The following STS variants were observed in gnomAD, a reference collection of about 807,000 sequenced individuals.
STS encodes steroid sulfatase.
In STS, 7 loss-of-function variants were observed where a neutral mutation model predicts 26.8. The ratio of observed to expected loss-of-function variants is 0.26; its 90% CI spans 0.15 to 0.49. The LOEUF (loss-of-function observed/expected upper bound fraction) is 0.49, where lower values mean the gene tolerates loss of function less well. Among genes scored for constraint, STS ranks in the 20% least tolerant of loss-of-function variants. The probability of loss-of-function intolerance (pLI) is 0.98; values close to 1 mark genes in which losing one functional copy is unlikely to be tolerated. For synonymous variants in STS, 199 were observed against 189.4 expected, an observed-to-expected ratio of 1.05 and a Z score of -0.42; for missense variants, 434 against 465.6, an observed-to-expected ratio of 0.93 and a Z score of 0.63.
At chrX:7,266,863 G>A (rs1262517254) in intron 6 of STS, among the ~76,000 whole-genome samples, 7 of 111,871 alleles carry the variant, frequency 6.3e-5, no homozygotes, top group African/African-American at 1.3e-4. Context: ...AATGGACACC[G>A]TGGAATGGTT....
rs893512060 is a variant in STS at position 7,178,015 on chromosome X, C to A, written c.-133-12865C>A. ...CTATGTTGGCTAGGCTGGTCTTGAA[C>A]CCCTGGCAAGGAATCCTTCCACCTT... On this transcript the variant is annotated intron_variant, in intron 1 of 10. Coordinates refer to ENST00000674429, the MANE Select transcript of STS (RefSeq NM_001320752.2). Among the ~76,000 whole-genome samples, 80 of 110,009 alleles carry A rather than the reference C, an allele frequency of 7.3e-4. 1 individual carries two copies. Among genetic ancestry groups the A allele is most frequent in the South Asian group, 2.0e-3 (5 of 2,536 alleles).
intron 2 of STS, among the ~76,000 whole-genome samples, chrX:7,212,385 T>C (rs371766747): frequency 5.4e-5 from 6 of 111,339 alleles, no homozygotes; most frequent in African/African-American, 1.6e-4. Flanking sequence ...GGCACAAGAA[T>C]TGCTTGAATC....
intron 2 of STS, among the ~76,000 whole-genome samples, chrX:7,244,216 A>G (rs980446029): frequency 4.5e-5 from 5 of 112,069 alleles, no homozygotes; most frequent in Non-Finnish European, 7.5e-5. Flanking sequence ...GATTTGCCAC[A>G]TGGACAAATG....
chrX:7,336,989 A>T (rs1454718803), intron 10 of STS, among the ~76,000 whole-genome samples: 2 of 111,695 alleles, frequency 1.8e-5, no homozygotes. Context: ...TGCTTCTTAG[A>T]CTCTGAATGC....
At chrX:7,197,334 G>T (rs1280782847) in intron 2 of STS, among the ~76,000 whole-genome samples, 3 of 111,789 alleles carry the variant, frequency 2.7e-5, no homozygotes, top group Non-Finnish European at 5.6e-5. Flanking sequence ...ACTGTTACAG[G>T]AAAGGGGTCC....
At chrX:7,192,783 T>C (rs1373499153) in intron 2 of STS, among the ~76,000 whole-genome samples, 3 of 111,583 alleles carry the variant, frequency 2.7e-5, no homozygotes, top group Non-Finnish European at 5.6e-5. Flanking sequence ...GACTTTGCCC[T>C]TCAGAGAGAA....
intron 1 of STS, among the ~76,000 whole-genome samples, chrX:7,167,505 C>T (rs949898124): frequency 8.9e-6 from 1 of 111,846 alleles, no homozygotes; most frequent in Admixed American, 9.5e-5. Flanking sequence ...TGTGAGCCAC[C>T]GCGCCCAGCC....
intron 2 of STS, among the ~76,000 whole-genome samples, chrX:7,235,113 G>C (rs1225728854): frequency 8.9e-6 from 1 of 112,057 alleles, no homozygotes; most frequent in Non-Finnish European, 1.9e-5. Flanking sequence ...TAGGTAAGCT[G>C]TGATGAGTGG....
chrX:7,347,096 TAAAC>T (rs1297434793), intron 10 of STS, among the ~76,000 whole-genome samples: 1 of 111,317 alleles, frequency 9.0e-6, no homozygotes, highest in African/African-American at 3.3e-5. Flanking sequence ...AAATATAAAT[TAAAC>T]AAAAGAAGAT....
At chrX:7,275,442 C>A (rs1220364858) in intron 6 of STS, among the ~76,000 whole-genome samples, 12 of 110,802 alleles carry the variant, frequency 1.1e-4, no homozygotes. Context: ...CAAATGATAC[C>A]TATATATACA....
intron 6 of STS, among the ~76,000 whole-genome samples, chrX:7,275,066 T>C (rs1213226662): frequency 9.0e-6 from 1 of 111,041 alleles, no homozygotes; most frequent in African/African-American, 3.3e-5. Context: ...AGATCTCACT[T>C]CTATGTGGAA....
intron 6 of STS, among the ~76,000 whole-genome samples, chrX:7,273,173 A>T (rs1363371627): frequency 2.7e-5 from 3 of 111,485 alleles, no homozygotes; most frequent in Non-Finnish European, 5.7e-5. Context: ...TAACAAAAAA[A>T]TAAGCTCCAG....
intron 9 of STS, among the ~76,000 whole-genome samples, chrX:7,329,661 T>C (rs1016658817): frequency 2.7e-5 from 3 of 112,362 alleles, no homozygotes; most frequent in Non-Finnish European, 5.6e-5. Flanking sequence ...CCCAAGCTGT[T>C]TGATGAGCAC....
intron 2 of STS, among the ~76,000 whole-genome samples, chrX:7,203,492 T>C (rs189948401): frequency 1.8e-3 from 204 of 111,806 alleles, no homozygotes; most frequent in African/African-American, 6.3e-3. Context: ...TTATTCCCAC[T>C]AGTAAAAACT....
intron 3 of STS, among the ~76,000 whole-genome samples, chrX:7,254,617 T>C (rs1923313025): frequency 1.0e-5 from 1 of 97,336 alleles, no homozygotes; most frequent in Non-Finnish European, 2.1e-5. Flanking sequence ...AGTTTCACTC[T>C]GTCGCCCAGC....
At chrX:7,317,685 G>A (rs1926779600) in intron 8 of STS, among the ~76,000 whole-genome samples, 1 of 110,869 alleles carries the variant, frequency 9.0e-6, no homozygotes, top group Non-Finnish European at 1.9e-5. Context: ...GCCCAGCCTG[G>A]TCTCAAACCC....
intron 8 of STS, among the ~76,000 whole-genome samples, chrX:7,324,231 G>C (rs1231391278): frequency 3.6e-5 from 4 of 110,952 alleles, no homozygotes; most frequent in Admixed American, 9.7e-5. Flanking sequence ...TTGGCAGTTG[G>C]TTGAAAGAGT....
chrX:7,272,645 G>A (rs1211007100), intron 6 of STS, among the ~76,000 whole-genome samples: 3 of 111,782 alleles, frequency 2.7e-5, no homozygotes, highest in African/African-American at 9.8e-5. Context: ...ACTGCTGGGC[G>A]GGGCTGCCAA....
intron 7 of STS, among the ~76,000 whole-genome samples, chrX:7,282,974 T>C (rs1230734551): frequency 1.8e-5 from 2 of 112,035 alleles, no homozygotes; most frequent in Non-Finnish European, 3.8e-5. Flanking sequence ...TAATCCAGGA[T>C]AAGAGTTTAG....
Sources: allele counts gnomAD v4.1 joint callset (sites outside exome capture counted in the v4.1 genomes callset), GRCh38; gene constraint gnomAD v4.1.1; transcripts MANE v1.5; gene names NCBI Gene and HGNC (gene_info 2026-07-23, HGNC 2026-07-21).